The following CHST14 variants were observed in gnomAD, a reference collection of about 807,000 sequenced individuals.
CHST14 encodes carbohydrate (N-acetylgalactosamine 4-0) sulfotransferase 14.
CHST14 carries 13 observed loss-of-function variants against 22.7 expected under a neutral mutation model. The observed-to-expected ratio is 0.57, with a 90% CI of 0.37 to 0.91. The LOEUF (loss-of-function observed/expected upper bound fraction) is 0.91, where lower values mean the gene tolerates loss of function less well. CHST14 is among the 40% of genes least tolerant of loss of function. CHST14 has a pLI of 0.01. For synonymous variants in CHST14, 233 were observed against 231.9 expected (o/e 1.00, Z -0.04); for missense variants, 466 against 513.1 (o/e 0.91, Z 0.89).
rs565782963 is a variant in CHST14 at position 40,472,629 on chromosome 15, C to A, written c.*285C>A. ...ATCTGATCTAAAGACTGGCTCCAGA[C>A]CCCGGGCTGCCAGGATTATGCAGTC... On this transcript the variant is annotated 3_prime_UTR_variant, in exon 1 of 1. Coordinates refer to ENST00000306243, the MANE Select transcript of CHST14 (RefSeq NM_130468.4). 1 of 436,980 alleles carries A rather than the reference C, an allele frequency of 2.3e-6. No homozygotes were observed. The highest frequency in any genetic ancestry group is 2.0e-5 in the African/African-American group (1 of 50,556). The allele number at this position is 436,980 out of a possible 1,614,324, so 27.1% of individuals were successfully genotyped here.
chr15:40,472,292 C>G lies in CHST14; in HGVS notation c.1079C>G (p.Ser360Cys), dbSNP rs1194143882. The part of the protein sequence containing the change: ...DVLPKYILDF[S>C]LFAYPLPNVT... The stretch of plus-strand genomic sequence containing the variant: ...CTGCCTAAGTATATCCTGGACTTCT[C>G]CCTCTTTGCCTACCCACTGCCTAAT... Residue 360 changes from serine (S) to cysteine (C), a missense_variant, in exon 1 of 1, where the codon TCC becomes TGC. Coordinates refer to ENST00000306243, the MANE Select transcript of CHST14 (RefSeq NM_130468.4). 10 of 1,602,452 alleles carry G rather than the reference C, an allele frequency of 6.2e-6. No individual in the cohort carries two copies. The highest frequency in any genetic ancestry group is 8.5e-7 in the Non-Finnish European group (1 of 1,172,722).
chr15:40,471,825 G>A lies in CHST14; in HGVS notation c.612G>A (p.Gln204=). ...CTGAGGAGATTCGCTACCGCCTGCA[G>A]CACTACTTTAAGTTCCTGTTTGTGC... The part of the protein sequence containing the change: ...LRPEEIRYRL[Q]HYFKFLFVRE... Residue 204 remains glutamine (Q), a synonymous_variant, in exon 1 of 1, where the codon CAG becomes CAA. Transcript: ENST00000306243. This position sits in a 1 kb window ranked among gnomAD's most constrained non-coding sequence, Gnocchi z 6.4. 1 of 1,613,840 alleles carries A rather than the reference G, an allele frequency of 6.2e-7. No individual in the cohort carries two copies. The highest frequency in any genetic ancestry group is 8.5e-7 in the Non-Finnish European group (1 of 1,180,040).
Position 40,471,111 on chromosome 15 carries a change from CTA to C in CHST14, c.-102_-101del. On this transcript the variant is annotated 5_prime_UTR_variant, in exon 1 of 1. Transcript: ENST00000306243. This position sits in a 1 kb window ranked among gnomAD's most constrained non-coding sequence, Gnocchi z 6.4. ...CTGTCCCCTGCCCTCCCCTCCCCAA[CTA>C]CCCCCGGTCCCAGACCCTCCTCCCG... is the stretch of plus-strand genomic sequence containing the variant. 7 of 321,282 alleles carry C rather than the reference CTA, an allele frequency of 2.2e-5. No individual in the cohort carries two copies. The highest frequency in any genetic ancestry group is 5.5e-5 in the Admixed American group (1 of 18,132). 19.9% of individuals were successfully genotyped at this position (321,282 alleles called of 1,614,324 possible). A position where few individuals can be genotyped will look rare whatever the true frequency, so the allele number is the denominator to read the frequency against.
rs1228128596 is a variant in CHST14, at chr15:40,471,906, A to T, written c.693A>T (p.Arg231=). The T allele has an allele frequency of 1.2e-6, 2 of 1,613,968 alleles. No individual in the cohort carries two copies. The highest frequency in any genetic ancestry group is 1.7e-5 in the Admixed American group (1 of 60,004). ...SAYRNKFGEI[R]EYQQRYGAEI... ...ACCGCAACAAGTTTGGCGAGATCCG[A>T]GAGTACCAGCAACGCTATGGGGCTG... The change falls in exon 1 of 1, where the codon CGA becomes CGT. Residue 231 remains arginine, a synonymous_variant. Transcript: ENST00000306243. This position sits in a 1 kb window ranked among gnomAD's most constrained non-coding sequence, Gnocchi z 6.4.
In CHST14 at chr15:40,471,532, G is replaced by A; in HGVS notation, c.319G>A (p.Asp107Asn). Residue 107 changes from aspartate (D) to asparagine (N), a missense_variant, in exon 1 of 1, where the codon GAC becomes AAC. Transcript: ENST00000306243. This position sits in a 1 kb window ranked among gnomAD's most constrained non-coding sequence, Gnocchi z 6.4. Reference sequence around the variant, plus strand: ...GGACGCGGACTTGCAAGTGCGGCAGGACGTCCGGAACAGGACCCTGCGGGC... The same window carrying A: ...GGACGCGGACTTGCAAGTGCGGCAGAACGTCCGGAACAGGACCCTGCGGGC... Reference protein sequence around the residue: ...AGDADLQVRQDVRNRTLRAVC... With the variant: ...AGDADLQVRQNVRNRTLRAVC... 1 of 1,601,768 alleles carries A rather than the reference G, an allele frequency of 6.2e-7. No homozygotes were observed. The highest frequency in any genetic ancestry group is 8.5e-7 in the Non-Finnish European group (1 of 1,175,828).
chr15:40,471,421 C>A lies in CHST14; in HGVS notation c.208C>A (p.Pro70Thr), dbSNP rs759809750. 1 of 1,558,880 alleles carries A rather than the reference C, an allele frequency of 6.4e-7. No individual in the cohort carries two copies. Among genetic ancestry groups the A allele is most frequent in the Non-Finnish European group, 8.6e-7 (1 of 1,156,648 alleles). The change falls in exon 1 of 1, where the codon CCC (proline) becomes ACC (threonine). Residue 70 changes from proline (P) to threonine (T), a missense_variant. Pro to Thr is a conservative substitution (Grantham distance 38, BLOSUM62 -1). Coordinates refer to ENST00000306243, the MANE Select transcript of CHST14 (RefSeq NM_130468.4). This position sits in a 1 kb window ranked among gnomAD's most constrained non-coding sequence, Gnocchi z 6.4. ...GCGGGGCATCCTGGCCGAGATGAAG[C>A]CCCTGCCCCTGCACCCGCCCGGCCG... ...IERGILAEMK[P>T]LPLHPPGREG...
chr15:40,471,704 G>A lies in CHST14; in HGVS notation c.491G>A (p.Arg164Gln), dbSNP rs773819291. 6.2e-6 allele frequency: 10 copies of A among 1,613,534 alleles called. No individual in the cohort carries two copies. In the Admixed American group the frequency reaches 1.3e-4, roughly 22 times the overall value. ...VPKVACSNWKRVMKVLAGVLD... is the reference protein window; with the variant it reads ...VPKVACSNWKQVMKVLAGVLD... ...AAGGTGGCCTGCTCTAACTGGAAGC[G>A]GGTGATGAAGGTGCTGGCAGGCGTC... Residue 164 changes from arginine to glutamine, a missense_variant, in exon 1 of 1, where the codon CGG becomes CAG. Physicochemically the swap from Arg to Gln is conservative, Grantham distance 43. Transcript: ENST00000306243. This position sits in a 1 kb window ranked among gnomAD's most constrained non-coding sequence, Gnocchi z 6.4.
Position 40,472,324 on chromosome 15 carries a change from A to G in CHST14, c.1111A>G (p.Lys371Glu). The G allele has an allele frequency of 1.3e-6, 2 of 1,597,390 alleles. No individual in the cohort carries two copies. The highest frequency in any genetic ancestry group is 8.5e-7 in the Non-Finnish European group (1 of 1,169,984). ...LFAYPLPNVT[K>E]EACQQ The stretch of plus-strand genomic sequence containing the variant: ...TGCCTACCCACTGCCTAATGTCACC[A>G]AGGAGGCGTGTCAGCAGTGACCATG... Residue 371 changes from lysine to glutamate, a missense_variant, in exon 1 of 1, where the codon AAG (lysine) becomes GAG (glutamate). Physicochemically the swap from Lys to Glu is moderately conservative, Grantham distance 56 (BLOSUM62 1). Transcript: ENST00000306243.
rs1250270456 is a variant in CHST14, at chr15:40,472,083, C to T, written c.870C>T (p.Ala290=). ...MPVYHLCQPC[A]VHYDFVGSYE... is the part of the protein sequence containing the mutation. ...TGTACCACCTGTGCCAGCCTTGTGC[C>T]GTGCACTATGACTTTGTGGGCTCCT... is the stretch of plus-strand genomic sequence containing the variant. The change falls in exon 1 of 1, where the codon GCC becomes GCT. Residue 290 remains alanine (A), a synonymous_variant. Transcript: ENST00000306243. 5.0e-6 allele frequency: 8 copies of T among 1,614,052 alleles called. No homozygotes were observed. In the Admixed American group the frequency reaches 5.0e-5, roughly 10 times the overall value.
Position 40,472,329 on chromosome 15 carries a change from G to A in CHST14, c.1116G>A (p.Glu372=), listed in dbSNP as rs1433349396. Reference sequence around the variant, plus strand: ...ACCCACTGCCTAATGTCACCAAGGAGGCGTGTCAGCAGTGACCATGGGTGT... The same window carrying A: ...ACCCACTGCCTAATGTCACCAAGGAAGCGTGTCAGCAGTGACCATGGGTGT... ...FAYPLPNVTK[E]ACQQ Residue 372 remains glutamate (E), a synonymous_variant, in exon 1 of 1, where the codon GAG becomes GAA. Transcript: ENST00000306243. The A allele has an allele frequency of 6.3e-7, 1 of 1,596,984 alleles. No homozygotes were observed. The highest frequency in any genetic ancestry group is 2.2e-5 in the East Asian group (1 of 44,676).
rs373631378 is a variant in CHST14 at position 40,472,386 on chromosome 15, C to A, written c.*42C>A. 3 of 1,551,960 alleles carry A rather than the reference C, an allele frequency of 1.9e-6. No homozygotes were observed. Among genetic ancestry groups the A allele is most frequent in the East Asian group, 4.5e-5 (2 of 44,400 alleles). ...AGCAGCTGGTGGGGACTGGTTTCAA[C>A]GCCAGCTTTCTGTGCTTCTGCCTGT... On this transcript the variant is annotated 3_prime_UTR_variant, in exon 1 of 1. Coordinates refer to ENST00000306243, the MANE Select transcript of CHST14 (RefSeq NM_130468.4).
rs1484521986 is a variant in CHST14 at position 40,471,377 on chromosome 15, G to T, written c.164G>T (p.Gly55Val). Residue 55 changes from glycine to valine, a missense_variant, in exon 1 of 1, where the codon GGG (glycine) becomes GTG (valine). Transcript: ENST00000306243. The surrounding 1 kb of genome is among the most constrained non-coding windows in gnomAD (Gnocchi z 6.4). ...TTTGCGGTGATCGTGGCCTCCAGCG[G>T]GCTGCTGCTCATGATCGAGCGGGGC... ...LMFAVIVASS[G>V]LLLMIERGIL... 3 of 1,556,690 alleles carry T rather than the reference G, an allele frequency of 1.9e-6. No individual in the cohort carries two copies. Among genetic ancestry groups the T allele is most frequent in the Non-Finnish European group, 2.6e-6 (3 of 1,155,284 alleles).
chr15:40,471,682 G>T lies in CHST14; in HGVS notation c.469G>T (p.Val157Leu). 6.2e-7 allele frequency: 1 copy of T among 1,613,686 alleles called. No homozygotes were observed. The highest frequency in any genetic ancestry group is 8.5e-7 in the Non-Finnish European group (1 of 1,180,040). The change falls in exon 1 of 1, where the codon GTG (valine) becomes TTG (leucine). Residue 157 changes from valine (V) to leucine (L), a missense_variant. Val to Leu is a conservative substitution (Grantham distance 32). Coordinates refer to ENST00000306243, the MANE Select transcript of CHST14 (RefSeq NM_130468.4). The surrounding 1 kb of genome is among the most constrained non-coding windows in gnomAD (Gnocchi z 6.4). ...CTTCCTCTACTGCTACGTCCCCAAGGTGGCCTGCTCTAACTGGAAGCGGGT... is the reference window on the plus strand; with the variant it reads ...CTTCCTCTACTGCTACGTCCCCAAGTTGGCCTGCTCTAACTGGAAGCGGGT... Reference protein sequence around the residue: ...YRFLYCYVPKVACSNWKRVMK... With the variant: ...YRFLYCYVPKLACSNWKRVMK...
At position 40,471,985 on chromosome 15, in the gene CHST14, G is replaced by A; in HGVS notation, c.772G>A (p.Val258Ile). The A allele has an allele frequency of 6.2e-7, 1 of 1,614,168 alleles. No individual in the cohort carries two copies. The highest frequency in any genetic ancestry group is 1.1e-5 in the South Asian group (1 of 91,078). Residue 258 changes from valine (V) to isoleucine (I), a missense_variant, in exon 1 of 1, where the codon GTC becomes ATC. By Grantham distance (29) the Val-to-Ile change is conservative (BLOSUM62 3). Transcript: ENST00000306243. This position sits in a 1 kb window ranked among gnomAD's most constrained non-coding sequence, Gnocchi z 6.4. Reference sequence around the variant, plus strand: ...GGGGCCCAGCCCTGCAGGCGACGATGTCACATTCCCCGAGTTCCTGAGATA... The same window carrying A: ...GGGGCCCAGCCCTGCAGGCGACGATATCACATTCCCCGAGTTCCTGAGATA... ...GAGPSPAGDD[V>I]TFPEFLRYLV... is the part of the protein sequence containing the mutation.
Position 40,471,761 on chromosome 15 carries a change from A to C in CHST14, c.548A>C (p.Asp183Ala). Residue 183 changes from aspartate to alanine, a missense_variant, in exon 1 of 1, where the codon GAC becomes GCC. Asp to Ala is a moderately radical substitution (Grantham distance 126). Transcript: ENST00000306243. The surrounding 1 kb of genome is among the most constrained non-coding windows in gnomAD (Gnocchi z 6.4). ...AGCGTGGACGTCCGCCTCAAGATGG[A>C]CCACCGCAGTGACCTGGTGTTCCTG... ...LDSVDVRLKM[D>A]HRSDLVFLAD... is the part of the protein sequence containing the mutation. 6.2e-7 allele frequency: 1 copy of C among 1,613,618 alleles called. No homozygotes were observed. Among genetic ancestry groups the C allele is most frequent in the South Asian group, 1.1e-5 (1 of 91,086 alleles).
In CHST14 at chr15:40,471,184, G is replaced by C; in HGVS notation, c.-30G>C. On this transcript the variant is annotated 5_prime_UTR_variant, in exon 1 of 1. Transcript: ENST00000306243. This position sits in a 1 kb window ranked among gnomAD's most constrained non-coding sequence, Gnocchi z 6.4. The stretch of plus-strand genomic sequence containing the variant: ...TCCAGGCCGCCCTCGGATCGGCCGG[G>C]CCCGCGCAGGCCCCCACCCCTTGAG... The C allele has an allele frequency of 7.6e-7, 1 of 1,316,914 alleles. No homozygotes were observed. 81.6% of individuals were successfully genotyped at this position (1,316,914 alleles called of 1,614,324 possible). A position where few individuals can be genotyped will look rare whatever the true frequency, so the allele number is the denominator to read the frequency against.
In CHST14 at chr15:40,472,570, G is replaced by T; in HGVS notation, c.*226G>T. The T allele has an allele frequency of 3.5e-6, 2 of 572,282 alleles. No individual in the cohort carries two copies. The highest frequency in any genetic ancestry group is 6.3e-6 in the Non-Finnish European group (2 of 317,164). The allele number at this position is 572,282 out of a possible 1,614,324, so 35.5% of individuals were successfully genotyped here. A position where few individuals can be genotyped will look rare whatever the true frequency, so the allele number is the denominator to read the frequency against. Reference sequence around the variant, plus strand: ...TGCTCCTCATTGGGGGGATCTCTTGGGGGGCAGACACCAGTTTGCCAATGA... The same window carrying T: ...TGCTCCTCATTGGGGGGATCTCTTGTGGGGCAGACACCAGTTTGCCAATGA... On this transcript the variant is annotated 3_prime_UTR_variant, in exon 1 of 1. Transcript: ENST00000306243.
rs1894332811 is a variant in CHST14 at position 40,470,997 on chromosome 15, A to T, written c.-217A>T. On this transcript the variant is annotated 5_prime_UTR_variant, in exon 1 of 1. Transcript: ENST00000306243. ...GGGGTGGAGAGCGGCCGGGCGGGAC[A>T]TCCGGCCCGGGTCCCTCGCCGCGCC... 7.7e-6 allele frequency: 2 copies of T among 260,100 alleles called. No homozygotes were observed. The highest frequency in any genetic ancestry group is 1.4e-5 in the Non-Finnish European group (2 of 139,712). 16.1% of individuals were successfully genotyped at this position (260,100 alleles called of 1,614,324 possible).
Position 40,471,199 on chromosome 15 carries a change from C to A in CHST14, c.-15C>A, listed in dbSNP as rs1221002419. On this transcript the variant is annotated 5_prime_UTR_variant, in exon 1 of 1. Coordinates refer to ENST00000306243, the MANE Select transcript of CHST14 (RefSeq NM_130468.4). This position sits in a 1 kb window ranked among gnomAD's most constrained non-coding sequence, Gnocchi z 6.4. Reference sequence around the variant, plus strand: ...GATCGGCCGGGCCCGCGCAGGCCCCCACCCCTTGAGCACCATGTTCCCCCG... The same window carrying A: ...GATCGGCCGGGCCCGCGCAGGCCCCAACCCCTTGAGCACCATGTTCCCCCG... The A allele has an allele frequency of 2.8e-5, 38 of 1,364,430 alleles. No individual in the cohort carries two copies. Among genetic ancestry groups the A allele is most frequent in the Non-Finnish European group, 3.5e-5 (37 of 1,066,646 alleles). The allele number at this position is 1,364,430 out of a possible 1,614,324, so 84.5% of individuals were successfully genotyped here. A position where few individuals can be genotyped will look rare whatever the true frequency, so the allele number is the denominator to read the frequency against.
Sources: gnomAD v4.1 joint callset for allele counts on GRCh38, gnomAD v4.1.1 for gene constraint, Gnocchi (gnomAD v3.1) non-coding constraint, MANE v1.5 for transcripts, NCBI Gene and HGNC (gene_info 2026-07-23, HGNC 2026-07-21) for gene names.